Variants in PLCH1 observed in about 807,000 individuals in gnomAD.
PLCH1 encodes the protein 1-phosphatidylinositol 4,5-bisphosphate phosphodiesterase eta-1.
Under a neutral mutation model 126.7 loss-of-function variants are expected in PLCH1, and 60 were observed. The observed-to-expected ratio is 0.47, with a 90% CI of 0.38 to 0.59. The LOEUF (loss-of-function observed/expected upper bound fraction) is 0.59, where lower values mean the gene tolerates loss of function less well. Ranked by LOEUF, PLCH1 falls within the 20% of genes least tolerant of loss-of-function variation. The pLI, the probability that PLCH1 is intolerant of heterozygous loss-of-function variation, is 0.00. For missense variants in PLCH1, 1,723 were observed against 2,040.0 expected (o/e 0.84, Z 2.99); for synonymous variants, 719 against 734.9 (o/e 0.98, Z 0.35).
chr3:155,595,794 T>A (rs1732905303), intron 3 of PLCH1, among the ~76,000 whole-genome samples: 1 of 152,126 alleles, frequency 6.6e-6, no homozygotes, highest in South Asian at 2.1e-4. Flanking sequence ...GAAAGAAGCT[T>A]TAAGTAGGAG....
chr3:155,546,144 G>A (rs1052096811), intron 10 of PLCH1, among the ~76,000 whole-genome samples: 257 of 152,270 alleles, frequency 1.7e-3, no homozygotes, highest in Non-Finnish European at 2.6e-3. Context: ...AAACCCCATT[G>A]TCTCAGCCCA....
intron 1 of PLCH1, among the ~76,000 whole-genome samples, chr3:155,720,041 G>A (rs574755527): frequency 6.6e-5 from 10 of 152,190 alleles, no homozygotes; most frequent in South Asian, 2.1e-4. Flanking sequence ...TGATCCACCC[G>A]CCTCAGCTTC....
chr3:155,587,516 C>T (rs1731542372), intron 4 of PLCH1, among the ~76,000 whole-genome samples: 1 of 152,220 alleles, frequency 6.6e-6, no homozygotes, highest in Admixed American at 6.5e-5. Flanking sequence ...TGTCTCTACA[C>T]CACGCTTCTC....
chr3:155,715,600 T>C (rs1462434820), intron 1 of PLCH1, among the ~76,000 whole-genome samples: 2 of 149,484 alleles, frequency 1.3e-5, no homozygotes, highest in Non-Finnish European at 1.5e-5. Context: ...CCACCACATC[T>C]GGCCTCTTTT....
chr3:155,468,520 C>T (rs1456692224), intron 21 of PLCH1, among the ~76,000 whole-genome samples: 1 of 152,098 alleles, frequency 6.6e-6, no homozygotes, highest in Non-Finnish European at 1.5e-5. Context: ...CACGGACACA[C>T]ATAGACTGAA....
At chr3:155,734,713 T>C (rs1031918790) in intron 1 of PLCH1, among the ~76,000 whole-genome samples, 13 of 148,924 alleles carry the variant, frequency 8.7e-5, no homozygotes, top group African/African-American at 1.2e-4. Context: ...TCTTTTTCTT[T>C]TTTTTTTTTT....
At chr3:155,639,799 A>G (rs574332748) in intron 2 of PLCH1, among the ~76,000 whole-genome samples, 2 of 152,232 alleles carry the variant, frequency 1.3e-5, no homozygotes, top group East Asian at 3.9e-4. Context: ...CTAGTGTTGG[A>G]GGAGGGGCCT....
intron 1 of PLCH1, among the ~76,000 whole-genome samples, chr3:155,710,056 T>C (rs780825182): frequency 4.6e-5 from 7 of 152,218 alleles, no homozygotes; most frequent in African/African-American, 9.6e-5. Context: ...AGTGCCATCT[T>C]GGCTCACTGC....
At chr3:155,683,097 C>A (rs911047933) in intron 2 of PLCH1, among the ~76,000 whole-genome samples, 4 of 152,164 alleles carry the variant, frequency 2.6e-5, no homozygotes, top group Non-Finnish European at 4.4e-5. Flanking sequence ...ACAGTAATTG[C>A]TACACATTTT....
chr3:155,583,493 C>G lies in PLCH1; in HGVS notation c.750G>C (p.Gln250His). ...ATACCTTTTGCTCCACCTTCAAAAA[C>G]TGAGCCAGTTCTTCCACAGTTAGGT... ...KDHLTVEELAQFLKVEQKMNN... is the reference protein window; with the variant it reads ...KDHLTVEELAHFLKVEQKMNN... The change falls in exon 6 of 23, where the codon CAG (glutamine) becomes CAC (histidine). Residue 250 changes from glutamine to histidine, a missense_variant. By Grantham distance (24) the Gln-to-His change is conservative. This residue lies in a region of PLCH1 where 776 missense variants were observed against 1,062.9 expected (regional missense o/e 0.73). Transcript: ENST00000460012. 6.2e-7 allele frequency: 1 copy of G among 1,605,688 alleles called. No homozygotes were observed. Among genetic ancestry groups the G allele is most frequent in the South Asian group, 1.1e-5 (1 of 89,100 alleles).
chr3:155,697,489 G>A (rs967018925), intron 2 of PLCH1, among the ~76,000 whole-genome samples: 3 of 152,164 alleles, frequency 2.0e-5, no homozygotes, highest in Non-Finnish European at 2.9e-5. Flanking sequence ...AGAAGCAGGG[G>A]AAGAGCTACA....
In PLCH1 at chr3:155,481,138, AG is replaced by A. The variant is rs1713959323; in HGVS notation, c.4887del (p.Tyr1630ThrfsTer2). 6.2e-7 allele frequency: 1 copy of A among 1,614,092 alleles called. No individual in the cohort carries two copies. Among genetic ancestry groups the A allele is most frequent in the South Asian group, 1.1e-5 (1 of 91,092 alleles). On this transcript the variant is annotated frameshift_variant, in exon 23 of 23. Transcript: ENST00000460012. LOFTEE classifies it low-confidence loss of function (END_TRUNC). The surrounding 1 kb of genome is among the most constrained non-coding windows in gnomAD (Gnocchi z 4.2). ...NRHSTGSYIA[G>X]YLKNTKGGGL... ...CCACCCCCTTTCGTGTTCTTCAGGT[AG>A]CCTGCGATGTAGGAGCCGGTGGAGT...
chr3:155,689,659 A>G (rs987513300), intron 2 of PLCH1, among the ~76,000 whole-genome samples: 4 of 152,012 alleles, frequency 2.6e-5, no homozygotes, highest in Admixed American at 6.6e-5. Flanking sequence ...ATCTTTTAAT[A>G]GCAGAATTGA....
At chr3:155,704,886 A>G (rs1577346245) in intron 1 of PLCH1, among the ~76,000 whole-genome samples, 1 of 152,208 alleles carries the variant, frequency 6.6e-6, no homozygotes, top group South Asian at 2.1e-4. Flanking sequence ...GCCTGCTCCT[A>G]CATAAGACTT....
At chr3:155,616,829 G>T (rs2108755098) in intron 2 of PLCH1, among the ~76,000 whole-genome samples, 1 of 152,076 alleles carries the variant, frequency 6.6e-6, no homozygotes, top group Non-Finnish European at 1.5e-5. Context: ...AATAAACTGT[G>T]GTCTTAATTT....
At chr3:155,467,200 T>C (rs919289878) in intron 21 of PLCH1, among the ~76,000 whole-genome samples, 1 of 151,786 alleles carries the variant, frequency 6.6e-6, no homozygotes, top group African/African-American at 2.4e-5. Flanking sequence ...CACTTAATAA[T>C]TAAACTCCCA....
intron 2 of PLCH1, among the ~76,000 whole-genome samples, chr3:155,626,803 A>T (rs1286406969): frequency 6.7e-6 from 1 of 149,658 alleles, no homozygotes; most frequent in Non-Finnish European, 1.5e-5. Flanking sequence ...AAAAAAAGGA[A>T]AAAGATGATA....
chr3:155,485,699 G>T lies in PLCH1; in HGVS notation c.2631C>A (p.Leu877=). The change falls in exon 22 of 23, where the codon CTC becomes CTA. Residue 877 remains leucine (L), a synonymous_variant. Coordinates refer to ENST00000460012, the MANE Select transcript of PLCH1 (RefSeq NM_014996.4). ...TATTGAACAGTCCCTTCAGACCCTG[G>T]AGTTGTCTGTTCTGAAGACACAAAA... ...INEIYGKNRQ[L]QGLKGLFNKN... 1 of 1,595,688 alleles carries T rather than the reference G, an allele frequency of 6.3e-7. No homozygotes were observed. The highest frequency in any genetic ancestry group is 8.5e-7 in the Non-Finnish European group (1 of 1,175,396).
chr3:155,482,403 T>C lies in PLCH1; in HGVS notation c.3623A>G (p.His1208Arg), dbSNP rs1270066648. ...TGACATCACACTGGTATTATGAAGA[T>C]GAGAAACAACTGTGAGAGCCTGATT... is the stretch of plus-strand genomic sequence containing the variant. ...TNNQALTVVS[H>R]LHNTSVMSGH... The change falls in exon 23 of 23, where the codon CAT becomes CGT. Residue 1208 changes from histidine to arginine, a missense_variant. This residue lies in a region of PLCH1 where 947 missense variants were observed against 977.1 expected (regional missense o/e 0.97). Coordinates refer to ENST00000460012, the MANE Select transcript of PLCH1 (RefSeq NM_014996.4). 1.2e-6 allele frequency: 2 copies of C among 1,614,070 alleles called. No homozygotes were observed. Among genetic ancestry groups the C allele is most frequent in the East Asian group, 4.5e-5 (2 of 44,878 alleles).
Sources: allele counts gnomAD v4.1 joint callset (sites outside exome capture counted in the v4.1 genomes callset), GRCh38; gene constraint gnomAD v4.1.1; regional missense constraint gnomAD v4.1.1; non-coding constraint Gnocchi (gnomAD v3.1); transcripts MANE v1.5; gene names NCBI Gene and HGNC (gene_info 2026-07-23, HGNC 2026-07-21).